The following ARPC1A variants were observed in gnomAD, a reference collection of about 807,000 sequenced individuals.
The protein encoded by ARPC1A is actin-related protein 2/3 complex subunit 1A.
In ARPC1A, 8 loss-of-function variants were observed where a neutral mutation model predicts 46.9. That is an observed-to-expected ratio of 0.17 (90% CI 0.10 to 0.31). The LOEUF (loss-of-function observed/expected upper bound fraction) is 0.31. Ranked by LOEUF, ARPC1A falls within the 10% of genes least tolerant of loss-of-function variation. The pLI is 1.00. For missense variants in ARPC1A, 286 were observed against 483.6 expected (o/e 0.59, Z 3.83); for synonymous variants, 152 against 169.0 (o/e 0.90, Z 0.78).
At chr7:99,329,587 T>C (rs1793109926) in intron 1 of ARPC1A, among the ~76,000 whole-genome samples, 1 of 152,226 alleles carries the variant, frequency 6.6e-6, no homozygotes, top group Admixed American at 6.5e-5. Flanking sequence ...TGTCTTGGCC[T>C]GCAGACTTAA....
intron 3 of ARPC1A, 39 bp from the exon 4 acceptor site, chr7:99,344,254 T>C: frequency 6.2e-7 from 1 of 1,602,698 alleles, no homozygotes; most frequent in Non-Finnish European, 8.5e-7. Context: ...TTGTTTGTCA[T>C]TGACTGGGCA....
chr7:99,354,185 C>G, intron 6 of ARPC1A, 64 bp downstream of exon 6: 1 of 1,550,504 alleles, frequency 6.4e-7, no homozygotes, highest in South Asian at 1.2e-5. Context: ...CCAGCTGAAC[C>G]AGGACTGCCC....
chr7:99,333,924 C>T (rs1368315542), intron 2 of ARPC1A, among the ~76,000 whole-genome samples: 1 of 148,962 alleles, frequency 6.7e-6, no homozygotes, highest in Non-Finnish European at 1.5e-5. Context: ...ATATCTTGAG[C>T]TCAAGAGTTC....
intron 3 of ARPC1A, chr7:99,340,014 GT>G (rs1793332000): frequency 2.2e-6 from 1 of 456,006 alleles, no homozygotes; most frequent in African/African-American, 2.0e-5. Context: ...GCTTCTGTAA[GT>G]TGTATTTTCC....
rs1793679857 is a variant in ARPC1A, at chr7:99,358,431, C to CCT, written c.789+16_789+17insCT. ...CGTGGCTGCTGTGAGTATTTTTCTTCATTCTCCCTCGGGGTGCACTGTATG... is the reference window on the plus strand; with the variant it reads ...CGTGGCTGCTGTGAGTATTTTTCTTCCTATTCTCCCTCGGGGTGCACTGTATG... On this transcript the variant is annotated intron_variant, in intron 7 of 9. Coordinates refer to ENST00000262942, the MANE Select transcript of ARPC1A (RefSeq NM_006409.4). 3 of 1,609,724 alleles carry CCT rather than the reference C, an allele frequency of 1.9e-6. No individual in the cohort carries two copies. The African/African-American group carries it at 4.0e-5, about 22-fold the overall frequency.
At chr7:99,354,224 C>T in intron 6 of ARPC1A, 103 bp downstream of exon 6, 1 of 1,337,684 alleles carries the variant, frequency 7.5e-7, no homozygotes, top group South Asian at 1.4e-5. Flanking sequence ...AGGGCACAAA[C>T]ATAAAAACCT....
chr7:99,340,074 A>G (rs923291386), intron 3 of ARPC1A: 6 of 446,142 alleles, frequency 1.3e-5, no homozygotes, highest in Non-Finnish European at 2.7e-5. Flanking sequence ...TAGCCATGAG[A>G]GTTTTTCTTC....
At chr7:99,335,123 T>C (rs1221380622) in intron 2 of ARPC1A, among the ~76,000 whole-genome samples, 2 of 151,592 alleles carry the variant, frequency 1.3e-5, no homozygotes, top group Non-Finnish European at 1.5e-5. Context: ...GGATTACAGG[T>C]GTAAGCCACT....
At chr7:99,341,770 C>CTTGG (rs1437281302) in intron 3 of ARPC1A, among the ~76,000 whole-genome samples, 4 of 152,188 alleles carry the variant, frequency 2.6e-5, no homozygotes, top group Non-Finnish European at 5.9e-5. Context: ...GTCCTTTGAA[C>CTTGG]TTGGGCCTGT....
intron 9 of ARPC1A, 57 bp downstream of exon 9, chr7:99,363,690 TTA>T: frequency 8.1e-7 from 1 of 1,238,192 alleles, no homozygotes; most frequent in Non-Finnish European, 1.1e-6. Flanking sequence ...TTTTTTTTTT[TTA>T]AGAGATAGGC....
At chr7:99,360,471 G>A (rs946174315) in intron 8 of ARPC1A, among the ~76,000 whole-genome samples, 2 of 151,960 alleles carry the variant, frequency 1.3e-5, no homozygotes, top group Admixed American at 6.6e-5. Flanking sequence ...GATTACAGGC[G>A]TGTGCCACCA....
chr7:99,346,495 A>G (rs1026408691), intron 4 of ARPC1A, among the ~76,000 whole-genome samples: 2 of 152,206 alleles, frequency 1.3e-5, no homozygotes, highest in South Asian at 2.1e-4. Context: ...AGTGTCAAGT[A>G]TAGGTAAATT....
At chr7:99,334,595 G>A (rs1793207514) in intron 2 of ARPC1A, among the ~76,000 whole-genome samples, 1 of 152,032 alleles carries the variant, frequency 6.6e-6, no homozygotes, top group African/African-American at 2.4e-5. Flanking sequence ...TCCATTTTGA[G>A]TTAATTTTTG....
At chr7:99,345,747 C>T (rs2150866470) in intron 4 of ARPC1A, among the ~76,000 whole-genome samples, 1 of 152,234 alleles carries the variant, frequency 6.6e-6, no homozygotes. Flanking sequence ...TACTACTAAA[C>T]TGGCAGTGTT....
intron 3 of ARPC1A, among the ~76,000 whole-genome samples, chr7:99,338,712 C>T (rs2286073): frequency 2.0e-5 from 3 of 152,020 alleles, no homozygotes; most frequent in Non-Finnish European, 2.9e-5. Context: ...GCAGCACTTA[C>T]TGAATTTCCT....
intron 8 of ARPC1A, among the ~76,000 whole-genome samples, chr7:99,361,477 A>G (rs1793739256): frequency 2.0e-5 from 3 of 151,936 alleles, no homozygotes; most frequent in Non-Finnish European, 2.9e-5. Flanking sequence ...AAAAAAAAAA[A>G]AAGAACCTGA....
In ARPC1A at chr7:99,366,139, A is replaced by G. The variant is rs1039838610; in HGVS notation, c.*210A>G. 1.7e-6 allele frequency: 1 copy of G among 592,822 alleles called. No homozygotes were observed. The allele number at this position is 592,822 out of a possible 1,614,324, so 36.7% of individuals were successfully genotyped here. A position where few individuals can be genotyped will look rare whatever the true frequency, so the allele number is the denominator to read the frequency against. ...GTTTGTTTTTTTGCGATTTCATTCC[A>G]TTCTTGACCAAAGCTTCTCTTTAAG... On this transcript the variant is annotated 3_prime_UTR_variant, in exon 10 of 10. Transcript: ENST00000262942.
At chr7:99,342,347 G>C (rs1474799531) in intron 3 of ARPC1A, among the ~76,000 whole-genome samples, 2 of 152,222 alleles carry the variant, frequency 1.3e-5, no homozygotes, top group South Asian at 4.2e-4. Flanking sequence ...GAGCCCTGGA[G>C]TTCAAGACCA....
At chr7:99,328,293 C>T (rs1002100447) in intron 1 of ARPC1A, among the ~76,000 whole-genome samples, 4 of 152,038 alleles carry the variant, frequency 2.6e-5, no homozygotes, top group East Asian at 1.9e-4. Flanking sequence ...CGCTTGAACC[C>T]GGGAGACGGA....
Sources: allele counts gnomAD v4.1 joint callset (sites outside exome capture counted in the v4.1 genomes callset), GRCh38; gene constraint gnomAD v4.1.1; transcripts MANE v1.5; gene names NCBI Gene and HGNC (gene_info 2026-07-23, HGNC 2026-07-21).